Variants in GTF3C5 observed in about 807,000 individuals in gnomAD.
GTF3C5 encodes general transcription factor IIIC subunit 5.
A neutral mutation model predicts 61.0 loss-of-function variants in GTF3C5; 47 were observed. The observed-to-expected ratio is 0.77, with a 90% CI of 0.61 to 0.98. The LOEUF is 0.98. Among genes scored for constraint, GTF3C5 ranks in the 50% least tolerant of loss-of-function variants. GTF3C5 has a pLI of 0.00. For missense variants in GTF3C5, 659 were observed against 703.3 expected (o/e 0.94, Z 0.71); for synonymous variants, 295 against 275.4 (o/e 1.07, Z -0.71).
intron 3 of GTF3C5, chr9:133,044,181 G>A (rs1206945334): frequency 1.9e-6 from 1 of 519,544 alleles, no homozygotes; most frequent in African/African-American, 1.9e-5. Context: ...AAAATGGGAT[G>A]ACAGTAGTAC....
At chr9:133,031,610 T>C (rs1849734223) in intron 1 of GTF3C5, among the ~76,000 whole-genome samples, 1 of 152,186 alleles carries the variant, frequency 6.6e-6, no homozygotes, top group African/African-American at 2.4e-5. Flanking sequence ...ATCAGCACTC[T>C]GGCAAACAGT....
chr9:133,041,638 C>T (rs1486390638), intron 1 of GTF3C5, among the ~76,000 whole-genome samples: 1 of 152,140 alleles, frequency 6.6e-6, no homozygotes, highest in Non-Finnish European at 1.5e-5. Flanking sequence ...ACTACCGGTC[C>T]CCGCATTTTG....
chr9:133,055,743 G>A (rs1302387583), intron 8 of GTF3C5: 8 of 1,306,876 alleles, frequency 6.1e-6, no homozygotes, highest in East Asian at 3.3e-5. Flanking sequence ...TGCCATGGGC[G>A]CCATGGCCTG....
chr9:133,052,786 CAGGAG>C (rs1850425572), intron 5 of GTF3C5, among the ~76,000 whole-genome samples: 1 of 152,124 alleles, frequency 6.6e-6, no homozygotes, highest in Admixed American at 6.5e-5. Context: ...ACTTCCGGCT[CAGGAG>C]AGCGACCTGT....
At chr9:133,034,627 G>T (rs1849815373) in intron 1 of GTF3C5, among the ~76,000 whole-genome samples, 1 of 151,986 alleles carries the variant, frequency 6.6e-6, no homozygotes, top group South Asian at 2.1e-4. Flanking sequence ...CGTTCGAATC[G>T]CTGTTTCAGT....
chr9:133,051,279 C>T (rs1294555392), intron 4 of GTF3C5, among the ~76,000 whole-genome samples: 1 of 152,234 alleles, frequency 6.6e-6, no homozygotes, highest in Non-Finnish European at 1.5e-5. Flanking sequence ...TCCATTCACT[C>T]ATTGCAGCCA....
chr9:133,052,473 T>C (rs1204484572), intron 5 of GTF3C5, among the ~76,000 whole-genome samples: 6 of 149,084 alleles, frequency 4.0e-5, no homozygotes, highest in Non-Finnish European at 1.5e-5. Flanking sequence ...AAGTTTCAGC[T>C]CCCTGAGTCC....
At chr9:133,039,323 T>A (rs773147057) in intron 1 of GTF3C5, among the ~76,000 whole-genome samples, 2 of 152,138 alleles carry the variant, frequency 1.3e-5, no homozygotes, top group African/African-American at 4.8e-5. Flanking sequence ...AAAAATTTAC[T>A]GTCTCTCGTC....
intron 4 of GTF3C5, among the ~76,000 whole-genome samples, chr9:133,051,181 G>T (rs1035603438): frequency 6.6e-6 from 1 of 152,238 alleles, no homozygotes; most frequent in Non-Finnish European, 1.5e-5. Flanking sequence ...GGTTGAAAAT[G>T]CTTCTTAGAG....
At chr9:133,035,421 A>G (rs914361946) in intron 1 of GTF3C5, among the ~76,000 whole-genome samples, 1 of 152,170 alleles carries the variant, frequency 6.6e-6, no homozygotes, top group African/African-American at 2.4e-5. Flanking sequence ...TTAGACAACT[A>G]TCTGTAACTT....
intron 1 of GTF3C5, among the ~76,000 whole-genome samples, chr9:133,033,218 C>T (rs1849776175): frequency 6.6e-6 from 1 of 152,152 alleles, no homozygotes; most frequent in Non-Finnish European, 1.5e-5. Context: ...CGGGGAACTC[C>T]AGTGGCATCT....
intron 1 of GTF3C5, among the ~76,000 whole-genome samples, chr9:133,041,088 C>T (rs55777484): frequency 0.029 from 4,477 of 152,298 alleles, 74 homozygotes; most frequent in East Asian, 0.066. Flanking sequence ...CCAGAGGGCT[C>T]CTTGGTCTAG....
chr9:133,031,246 G>T, intron 1 of GTF3C5, 82 bp downstream of exon 1: 1 of 1,306,584 alleles, frequency 7.7e-7, no homozygotes, highest in Non-Finnish European at 1.0e-6. Flanking sequence ...TCTCAGCAAG[G>T]GAAATTTAGC....
Position 133,040,775 on chromosome 9 carries a change from G to T in GTF3C5, c.154-1312G>T, listed in dbSNP as rs115563411. On this transcript the variant is annotated intron_variant, in intron 1 of 10. Transcript: ENST00000372097. ...CGCACCAAGCCTGAGTTACCTCCAA[G>T]ATTGTGGGTGGCAAGCCACCCAGGT... is the stretch of plus-strand genomic sequence containing the variant. 5.2e-3 allele frequency among the ~76,000 whole-genome samples: 789 copies of T among 152,314 alleles called. 7 individuals are homozygous for T. Among genetic ancestry groups the T allele is most frequent in the Middle Eastern group, 0.017 (5 of 294 alleles).
At chr9:133,057,036 T>G (rs1829958889) in intron 10 of GTF3C5, 128 bp downstream of exon 10, 1 of 885,446 alleles carries the variant, frequency 1.1e-6, no homozygotes, top group African/African-American at 1.7e-5. Context: ...CTGGCCCTGG[T>G]GGGAGGAGGA....
At chr9:133,040,440 G>T (rs549700343) in intron 1 of GTF3C5, among the ~76,000 whole-genome samples, 1 of 152,164 alleles carries the variant, frequency 6.6e-6, no homozygotes, top group Non-Finnish European at 1.5e-5. Flanking sequence ...TCATATGTAC[G>T]TGGCACATAT....
At chr9:133,046,933 G>A (rs1850226409) in intron 3 of GTF3C5, among the ~76,000 whole-genome samples, 1 of 152,258 alleles carries the variant, frequency 6.6e-6, no homozygotes, top group Non-Finnish European at 1.5e-5. Flanking sequence ...GAAGACCAGT[G>A]CCTAGGCTTC....
Sources: allele counts gnomAD v4.1 joint callset (sites outside exome capture counted in the v4.1 genomes callset), GRCh38; gene constraint gnomAD v4.1.1; transcripts MANE v1.5; gene names NCBI Gene and HGNC (gene_info 2026-07-23, HGNC 2026-07-21).